The following BRMS1 variants were observed in gnomAD, a reference collection of about 807,000 sequenced individuals.
BRMS1 encodes the protein breast cancer metastasis-suppressor 1.
Under a neutral mutation model 40.4 loss-of-function variants are expected in BRMS1, and 26 were observed. That is an observed-to-expected ratio of 0.64 (90% confidence interval 0.47 to 0.89). The LOEUF (loss-of-function observed/expected upper bound fraction) is 0.89, where lower values mean the gene tolerates loss of function less well. BRMS1 is among the 40% of genes least tolerant of loss of function. The probability of loss-of-function intolerance (pLI) is 0.00; values close to 1 mark genes in which losing one functional copy is unlikely to be tolerated. For missense variants in BRMS1, 289 were observed against 309.4 expected (o/e 0.93, Z 0.49); for synonymous variants, 103 against 116.0 (o/e 0.89, Z 0.72).
At chr11:66,339,155 A>G (rs1855009866) in intron 7 of BRMS1, among the ~76,000 whole-genome samples, 2 of 152,018 alleles carry the variant, frequency 1.3e-5, no homozygotes, top group African/African-American at 4.8e-5. Context: ...AGTGCTCCCT[A>G]CTTGATGTCT....
intron 6 of BRMS1, 135 bp downstream of exon 6, chr11:66,340,639 C>G (rs995783107): frequency 2.8e-6 from 2 of 724,178 alleles, no homozygotes; most frequent in Non-Finnish European, 2.2e-6. Flanking sequence ...GCCTGGTCTC[C>G]TTCAGCCCTC....
chr11:66,339,992 C>T, intron 7 of BRMS1, 129 bp downstream of exon 7: 1 of 700,674 alleles, frequency 1.4e-6, no homozygotes, highest in East Asian at 2.7e-5. Context: ...GACATATTCA[C>T]ATGACACCAA....
At position 66,342,035 on chromosome 11, in the gene BRMS1, G is replaced by A. The variant is rs991148321; in HGVS notation, c.139+61C>T. ...GCTTGTGTGTAGGGGCTGTGTGTGT[G>A]CATGTGTGTGTGTAGGGGCTCTGTG... is the stretch of plus-strand genomic sequence containing the variant. On this transcript the variant is annotated intron_variant, in intron 2 of 9. Coordinates refer to ENST00000359957, the MANE Select transcript of BRMS1 (RefSeq NM_015399.4). The A allele has an allele frequency of 8.4e-6, 13 of 1,540,244 alleles. No individual in the cohort carries two copies. The South Asian group carries it at 1.4e-4, about 17-fold the overall frequency.
Position 66,340,151 on chromosome 11 carries a change from T to C in BRMS1, c.598A>G (p.Ser200Gly), listed in dbSNP as rs1855032126. 1 of 1,613,654 alleles carries C rather than the reference T, an allele frequency of 6.2e-7. No homozygotes were observed. The highest frequency in any genetic ancestry group is 8.5e-7 in the Non-Finnish European group (1 of 1,179,952). Residue 200 changes from serine to glycine, a missense_variant, in exon 7 of 10, where the codon AGC (serine) becomes GGC (glycine). Physicochemically the swap from Ser to Gly is moderately conservative, Grantham distance 56. Transcript: ENST00000359957. ...SSRSWDSLPP[S>G]KRKKAPLVSG... The stretch of plus-strand genomic sequence containing the variant: ...ACCAGAGGTGCCTTCTTCCTCTTGC[T>C]GGGCGGCAGGGAGTCCCAAGACCTG...
chr11:66,342,271 G>A, intron 1 of BRMS1, 30 bp from the exon 2 acceptor site: 2 of 1,608,090 alleles, frequency 1.2e-6, no homozygotes, highest in Non-Finnish European at 1.7e-6. Context: ...TATCACTTAT[G>A]GCTGCCCACA....
chr11:66,338,619 C>G lies in BRMS1; in HGVS notation c.693+102G>C, dbSNP rs139958271. On this transcript the variant is annotated intron_variant, in intron 8 of 9. Coordinates refer to ENST00000359957, the MANE Select transcript of BRMS1 (RefSeq NM_015399.4). ...GGACTCTGGGCTGAAGATGGGGAAG[C>G]CTTGGTGAGCAGAGAACTCCCAGGC... 3,901 of 1,596,048 alleles carry G rather than the reference C, an allele frequency of 2.4e-3. 55 individuals are homozygous for G. The African/African-American group carries it at 0.041, about 17-fold the overall frequency.
At chr11:66,340,486 CAG>C (rs1855041338) in intron 6 of BRMS1, among the ~76,000 whole-genome samples, 1 of 152,192 alleles carries the variant, frequency 6.6e-6, no homozygotes, top group South Asian at 2.1e-4. Context: ...CACGTGAACA[CAG>C]GTACTATGAA....
rs1289432371 is a variant in BRMS1 at position 66,340,009 on chromosome 11, A to G, written c.628+112T>C. On this transcript the variant is annotated intron_variant, in intron 7 of 9. Coordinates refer to ENST00000359957, the MANE Select transcript of BRMS1 (RefSeq NM_015399.4). ...CATATTCACATGACACCAAGCAACC[A>G]CGAGTGCATCTAGTGTGACTGTCCT... 5.0e-6 allele frequency: 4 copies of G among 798,682 alleles called. No individual in the cohort carries two copies. The African/African-American group carries it at 5.2e-5, about 10-fold the overall frequency. 49.5% of individuals were successfully genotyped at this position (798,682 alleles called of 1,614,324 possible).
chr11:66,337,972 G>C (rs1854967108), intron 9 of BRMS1, 83 bp from the exon 10 acceptor site: 4 of 1,491,544 alleles, frequency 2.7e-6, no homozygotes, highest in Non-Finnish European at 3.7e-6. Context: ...GTGGCTTTGG[G>C]CTGGCCCAGA....
Position 66,342,225 on chromosome 11 carries a change from G to A in BRMS1, c.10C>T (p.Gln4Ter), listed in dbSNP as rs1470808451. ...TCTTCTGTGTCTTTGCTTGGAGGCT[G>A]GACAGGCATCTGGACTCTGGGAGAA... MPV[Q>*]PPSKDTEEME... Residue 4 changes from glutamine to a stop codon, truncating the protein, a stop_gained, in exon 2 of 10, where the codon CAG (glutamine) becomes TAG (stop). Coordinates refer to ENST00000359957, the MANE Select transcript of BRMS1 (RefSeq NM_015399.4). LOFTEE classifies it high-confidence loss of function. The A allele has an allele frequency of 2.5e-6, 4 of 1,613,184 alleles. No individual in the cohort carries two copies. The South Asian group carries it at 3.3e-5, about 13-fold the overall frequency.
At chr11:66,338,332 C>A in intron 8 of BRMS1, 50 bp from the exon 9 acceptor site, 1 of 1,571,094 alleles carries the variant, frequency 6.4e-7, no homozygotes, top group Non-Finnish European at 8.6e-7. Context: ...TCCAGCTTGG[C>A]AATCCCTGCC....
intron 7 of BRMS1, 144 bp from the exon 8 acceptor site, chr11:66,338,929 C>T (rs926239401): frequency 2.6e-6 from 2 of 756,488 alleles, no homozygotes; most frequent in Non-Finnish European, 4.2e-6. Flanking sequence ...CCACCTCCTA[C>T]CTCTTAACCC....
In BRMS1 at chr11:66,341,064, A is replaced by T; in HGVS notation, c.359-18T>A. On this transcript the variant is annotated intron_variant, in intron 4 of 9. Coordinates refer to ENST00000359957, the MANE Select transcript of BRMS1 (RefSeq NM_015399.4). This position sits in a 1 kb window ranked among gnomAD's most constrained non-coding sequence, Gnocchi z 4.9. ...GTAGATCCCTGCAGAGAAAGGGAGG[A>T]GGGTCCCTGCTTGGCTGGGGAGCCC... The T allele has an allele frequency of 6.2e-7, 1 of 1,613,226 alleles. No individual in the cohort carries two copies. The highest frequency in any genetic ancestry group is 8.5e-7 in the Non-Finnish European group (1 of 1,179,748).
Position 66,338,284 on chromosome 11 carries a change from T to C in BRMS1, c.694-2A>G. The C allele has an allele frequency of 6.2e-7, 1 of 1,609,094 alleles. No homozygotes were observed. ...CTGAGGGGACACAGCTGCCCTAGCCTGGGTGGGTGAGAAGAAAAGCTCCCC... is the reference window on the plus strand; with the variant it reads ...CTGAGGGGACACAGCTGCCCTAGCCCGGGTGGGTGAGAAGAAAAGCTCCCC... On this transcript the variant is annotated splice_acceptor_variant, in intron 8 of 9. Transcript: ENST00000359957. LOFTEE classifies it high-confidence loss of function.
rs1855071149 is a variant in BRMS1, at chr11:66,341,421, C to G, written c.231-88G>C. Reference sequence around the variant, plus strand: ...ACCCAGCACCCATTCCACAGCAAGCCCGGTGTTAGGCGCGCACTTCCTGGG... The same window carrying G: ...ACCCAGCACCCATTCCACAGCAAGCGCGGTGTTAGGCGCGCACTTCCTGGG... On this transcript the variant is annotated intron_variant, in intron 3 of 9. Transcript: ENST00000359957. This position sits in a 1 kb window ranked among gnomAD's most constrained non-coding sequence, Gnocchi z 4.9. 1 of 1,603,320 alleles carries G rather than the reference C, an allele frequency of 6.2e-7. No individual in the cohort carries two copies. Among genetic ancestry groups the G allele is most frequent in the Admixed American group, 1.7e-5 (1 of 59,858 alleles).
intron 8 of BRMS1, 104 bp from the exon 9 acceptor site, chr11:66,338,386 G>A (rs937192232): frequency 1.9e-6 from 3 of 1,539,012 alleles, no homozygotes; most frequent in African/African-American, 1.4e-5. Context: ...CCTCAGTGCT[G>A]TGCCCCCAGG....
chr11:66,341,847 G>C lies in BRMS1; in HGVS notation c.140-224C>G. The C allele has an allele frequency of 1.5e-6, 1 of 667,554 alleles. No individual in the cohort carries two copies. Among genetic ancestry groups the C allele is most frequent in the Non-Finnish European group, 2.7e-6 (1 of 373,970 alleles). The allele number at this position is 667,554 out of a possible 1,614,324, so 41.4% of individuals were successfully genotyped here. The stretch of plus-strand genomic sequence containing the variant: ...GCGTGCTTGTGTGAAGGGGCTGTGT[G>C]CACGTGTACTTGTGTGAAGGGGCTG... On this transcript the variant is annotated intron_variant, in intron 2 of 9. Transcript: ENST00000359957. The surrounding 1 kb of genome is among the most constrained non-coding windows in gnomAD (Gnocchi z 4.9).
Position 66,341,988 on chromosome 11 carries a change from C to T in BRMS1, c.139+108G>A. On this transcript the variant is annotated intron_variant, in intron 2 of 9. Coordinates refer to ENST00000359957, the MANE Select transcript of BRMS1 (RefSeq NM_015399.4). The surrounding 1 kb of genome is among the most constrained non-coding windows in gnomAD (Gnocchi z 4.9). ...CTGTGTATGTGCTTGTGTGTAGGCGCTGTATGTGCATGTGCGTGCATGCTT... is the reference window on the plus strand; with the variant it reads ...CTGTGTATGTGCTTGTGTGTAGGCGTTGTATGTGCATGTGCGTGCATGCTT... 1 of 1,242,140 alleles carries T rather than the reference C, an allele frequency of 8.1e-7. No homozygotes were observed. Among genetic ancestry groups the T allele is most frequent in the Non-Finnish European group, 1.1e-6 (1 of 902,456 alleles). 76.9% of individuals were successfully genotyped at this position (1,242,140 alleles called of 1,614,324 possible). A position where few individuals can be genotyped will look rare whatever the true frequency, so the allele number is the denominator to read the frequency against.
intron 6 of BRMS1, 22 bp downstream of exon 6, chr11:66,340,752 G>A: frequency 6.3e-7 from 1 of 1,599,944 alleles, no homozygotes; most frequent in South Asian, 1.1e-5. Flanking sequence ...CAGTTCCGGG[G>A]TGCCCAGGCT....
Sources: allele counts gnomAD v4.1 joint callset (sites outside exome capture counted in the v4.1 genomes callset), GRCh38; gene constraint gnomAD v4.1.1; non-coding constraint Gnocchi (gnomAD v3.1); transcripts MANE v1.5; gene names NCBI Gene and HGNC (gene_info 2026-07-23, HGNC 2026-07-21).